ABCC4: variants seen among roughly 807,000 people sequenced by gnomAD.
ABCC4 encodes the protein ATP-binding cassette sub-family C member 4.
In ABCC4, 102 loss-of-function variants were observed where a neutral mutation model predicts 168.5. That is an observed-to-expected ratio of 0.61 (90% CI 0.52 to 0.71). The LOEUF (loss-of-function observed/expected upper bound fraction) is 0.71, where lower values mean the gene tolerates loss of function less well. Among genes scored for constraint, ABCC4 ranks in the 30% least tolerant of loss-of-function variants. ABCC4 has a pLI of 0.00. For synonymous variants in ABCC4, 617 were observed against 590.7 expected (o/e 1.04, Z -0.65); for missense variants, 1,402 against 1,605.8 (o/e 0.87, Z 2.17).
At chr13:95,108,462 G>A (rs545926880) in intron 20 of ABCC4, among the ~76,000 whole-genome samples, 8 of 152,084 alleles carry the variant, frequency 5.3e-5, no homozygotes, top group Middle Eastern at 3.4e-3. Flanking sequence ...GGTTTTTCCC[G>A]TGGTATTCTC....
Position 95,223,992 on chromosome 13 carries a change from G to C in ABCC4, c.531+10618C>G, listed in dbSNP as rs143105592. On this transcript the variant is annotated intron_variant, in intron 4 of 30. Coordinates refer to ENST00000645237, the MANE Select transcript of ABCC4 (RefSeq NM_005845.5). ...ATAGTTTAATATATATGTAATAGGA[G>C]TCCAAGAAAAACAAGAGTGTGAGAA... 3.7e-3 allele frequency among the ~76,000 whole-genome samples: 563 copies of C among 151,954 alleles called. 3 individuals carry two copies. Among genetic ancestry groups the C allele is most frequent in the Middle Eastern group, 0.017 (5 of 294 alleles).
intron 1 of ABCC4, among the ~76,000 whole-genome samples, chr13:95,252,438 G>A (rs1312568628): frequency 6.6e-6 from 1 of 152,158 alleles, no homozygotes; most frequent in East Asian, 1.9e-4. Flanking sequence ...CACTTTGGGA[G>A]GCCGAGGCAG....
intron 15 of ABCC4, among the ~76,000 whole-genome samples, chr13:95,165,205 C>T (rs1453520786): frequency 6.6e-6 from 1 of 152,164 alleles, no homozygotes; most frequent in African/African-American, 2.4e-5. Context: ...CTGCATCACT[C>T]AAGATGGAAA....
intron 1 of ABCC4, among the ~76,000 whole-genome samples, chr13:95,264,254 T>C (rs9516552): frequency 0.35 from 53,650 of 151,850 alleles, 11,716 homozygotes; most frequent in Non-Finnish European, 0.49. Flanking sequence ...AAAAAAATCA[T>C]CATTTGGCAA....
intron 11 of ABCC4, among the ~76,000 whole-genome samples, chr13:95,179,363 C>A (rs1179539559): frequency 6.6e-6 from 1 of 152,174 alleles, no homozygotes; most frequent in Non-Finnish European, 1.5e-5. Flanking sequence ...GAGCAGAGTG[C>A]TCATGAGACA....
At chr13:95,104,977 T>C (rs1306534787) in intron 20 of ABCC4, among the ~76,000 whole-genome samples, 1 of 152,184 alleles carries the variant, frequency 6.6e-6, no homozygotes, top group Non-Finnish European at 1.5e-5. Flanking sequence ...TTCAAGCCCA[T>C]TACATTTATT....
intron 20 of ABCC4, 76 bp downstream of exon 20, chr13:95,115,846 G>C (rs1938879556): frequency 1.6e-6 from 2 of 1,217,608 alleles, no homozygotes; most frequent in Admixed American, 3.8e-5. Context: ...CCCACCCCCA[G>C]ACCCCATGAA....
intron 1 of ABCC4, among the ~76,000 whole-genome samples, chr13:95,258,635 A>C (rs1390149899): frequency 1.3e-5 from 2 of 152,092 alleles, no homozygotes; most frequent in Non-Finnish European, 2.9e-5. Flanking sequence ...TATGGTGTTC[A>C]CTGGGCCAGG....
At chr13:95,297,877 ACG>A (rs2041575812) in intron 1 of ABCC4, among the ~76,000 whole-genome samples, 1 of 152,194 alleles carries the variant, frequency 6.6e-6, no homozygotes, top group African/African-American at 2.4e-5. Flanking sequence ...GGTGGGAACT[ACG>A]AGGTGACTGC....
intron 30 of ABCC4, among the ~76,000 whole-genome samples, chr13:95,029,199 TATATATATATATATAGAGAG>T (rs1566355313): frequency 1.5e-4 from 11 of 72,400 alleles, no homozygotes; most frequent in African/African-American, 5.8e-4. Context: ...TATATATATA[TATATATATATATATAGAGAG>T]AGAGAGAGAG....
chr13:95,092,436 T>C (rs1427099050), intron 20 of ABCC4, among the ~76,000 whole-genome samples: 2 of 152,052 alleles, frequency 1.3e-5, no homozygotes, highest in Non-Finnish European at 2.9e-5. Flanking sequence ...TTCAAAACCA[T>C]GCAAATACAT....
At chr13:95,202,981 G>A (rs1180240177) in intron 8 of ABCC4, among the ~76,000 whole-genome samples, 2 of 152,144 alleles carry the variant, frequency 1.3e-5, no homozygotes, top group African/African-American at 2.4e-5. Context: ...ACAGATTGAC[G>A]GCCTGGGCTA....
chr13:95,131,978 G>C (rs114682108), intron 19 of ABCC4, among the ~76,000 whole-genome samples: 1 of 152,100 alleles, frequency 6.6e-6, no homozygotes, highest in Non-Finnish European at 1.5e-5. Context: ...GACTACGGGG[G>C]TCTAAAAGAG....
chr13:95,084,221 A>G (rs1791782750), intron 20 of ABCC4, among the ~76,000 whole-genome samples: 1 of 152,206 alleles, frequency 6.6e-6, no homozygotes, highest in Non-Finnish European at 1.5e-5. Flanking sequence ...TAGTATTACT[A>G]CACCATTTTA....
At chr13:95,053,794 T>C (rs897199526) in intron 26 of ABCC4, 6 of 153,168 alleles carry the variant, frequency 3.9e-5, no homozygotes, top group African/African-American at 1.2e-4. Flanking sequence ...CCGACCAACA[T>C]AGTGAAACCC....
rs149287011 is a variant in ABCC4, at chr13:95,254,860, G to A, written c.75-7107C>T. ...GGCATCTAGGCTCCACAAGGATGGG[G>A]TTTTTCTGTGTTGTTTGCTGCTAAG... On this transcript the variant is annotated intron_variant, in intron 1 of 30. Transcript: ENST00000645237. Among the ~76,000 whole-genome samples the A allele has an allele frequency of 5.5e-3, 834 of 152,234 alleles. 26 individuals carry two copies. The highest frequency in any genetic ancestry group is 0.043 in the Admixed American group (651 of 15,294).
At chr13:95,156,310 T>C (rs1053614224) in intron 19 of ABCC4, among the ~76,000 whole-genome samples, 22 of 152,308 alleles carry the variant, frequency 1.4e-4, no homozygotes, top group Admixed American at 4.6e-4. Context: ...GCTATAAAAA[T>C]AGAATTTCCA....
At chr13:95,051,731 A>G (rs970869282) in intron 27 of ABCC4, among the ~76,000 whole-genome samples, 1 of 152,154 alleles carries the variant, frequency 6.6e-6, no homozygotes, top group Non-Finnish European at 1.5e-5. Flanking sequence ...CAGTGGCACA[A>G]TGTTGGCTCA....
chr13:95,180,181 C>T (rs561062674), intron 11 of ABCC4, among the ~76,000 whole-genome samples: 9 of 152,266 alleles, frequency 5.9e-5, no homozygotes, highest in African/African-American at 1.9e-4. Context: ...GCAAGTGCCC[C>T]ATTATGAAAA....
Sources: gnomAD v4.1 joint callset for allele counts (sites outside exome capture counted in the v4.1 genomes callset) on GRCh38, gnomAD v4.1.1 for gene constraint, MANE v1.5 for transcripts, NCBI Gene and HGNC (gene_info 2026-07-23, HGNC 2026-07-21) for gene names.